The following SIPA1L1 variants were observed in gnomAD, a reference collection of about 807,000 sequenced individuals.
SIPA1L1 encodes signal-induced proliferation-associated 1-like protein 1.
A neutral mutation model predicts 162.7 loss-of-function variants in SIPA1L1; 26 were observed. That is an observed-to-expected ratio of 0.16 (90% CI 0.12 to 0.22). The LOEUF (loss-of-function observed/expected upper bound fraction) is 0.22, where lower values mean the gene tolerates loss of function less well. SIPA1L1 is among the 10% of genes least tolerant of loss of function. SIPA1L1 has a pLI of 1.00. For missense variants in SIPA1L1, 1,874 were observed against 2,241.0 expected (o/e 0.84, Z 3.31); for synonymous variants, 829 against 837.4 (o/e 0.99, Z 0.17).
At chr14:71,411,661 C>A (rs2042413845) in intron 2 of SIPA1L1, among the ~76,000 whole-genome samples, 1 of 152,230 alleles carries the variant, frequency 6.6e-6, no homozygotes, top group Non-Finnish European at 1.5e-5. Flanking sequence ...GAGCTCCCGA[C>A]TGGAGTCCTG....
chr14:71,381,330 G>A lies in SIPA1L1; in HGVS notation c.-465+60149G>A, dbSNP rs1287497693. Among the ~76,000 whole-genome samples, 5 of 152,242 alleles carry A rather than the reference G, an allele frequency of 3.3e-5. No individual in the cohort carries two copies. In the East Asian group the frequency reaches 9.7e-4, roughly 29 times the overall value. ...TCCTCCCAAAGTGCTGGGATTACAGGCATGAGCCACCATGCCTGGCCCCAA... is the reference window on the plus strand; with the variant it reads ...TCCTCCCAAAGTGCTGGGATTACAGACATGAGCCACCATGCCTGGCCCCAA... On this transcript the variant is annotated intron_variant, in intron 2 of 23. Coordinates refer to ENST00000381232, the MANE Select transcript of SIPA1L1 (RefSeq NM_001386936.1).
intron 2 of SIPA1L1, among the ~76,000 whole-genome samples, chr14:71,444,828 A>C (rs2045219734): frequency 6.6e-6 from 1 of 152,022 alleles, no homozygotes; most frequent in Non-Finnish European, 1.5e-5. Context: ...CACAAAGGAT[A>C]CTCTCAGCTT....
intron 3 of SIPA1L1, among the ~76,000 whole-genome samples, chr14:71,527,251 G>A (rs2052974219): frequency 6.6e-6 from 1 of 152,248 alleles, no homozygotes; most frequent in African/African-American, 2.4e-5. Context: ...GGGGACAAGC[G>A]ATCCTCCTGC....
chr14:71,480,119 G>GT (rs1424342356), intron 2 of SIPA1L1, among the ~76,000 whole-genome samples: 11 of 149,202 alleles, frequency 7.4e-5, no homozygotes, highest in Non-Finnish European at 1.5e-4. Context: ...GTCTTGCTCT[G>GT]TTGCCCAGGC....
chr14:71,686,584 T>C (rs142451185), intron 13 of SIPA1L1, among the ~76,000 whole-genome samples: 209 of 152,208 alleles, frequency 1.4e-3, no homozygotes, highest in Non-Finnish European at 2.5e-3. Context: ...CACTCTGTCA[T>C]CCAGGCTGGA....
chr14:71,444,223 C>T (rs1407493540), intron 2 of SIPA1L1, among the ~76,000 whole-genome samples: 5 of 152,244 alleles, frequency 3.3e-5, no homozygotes, highest in Non-Finnish European at 2.9e-5. Flanking sequence ...AAAGTAATAC[C>T]GATTGTTGCC....
chr14:71,643,243 A>G (rs1469879815), intron 7 of SIPA1L1, among the ~76,000 whole-genome samples: 1 of 152,232 alleles, frequency 6.6e-6, no homozygotes, highest in Admixed American at 6.5e-5. Context: ...GCCAAAGGGA[A>G]AAATCTTGAT....
intron 13 of SIPA1L1, among the ~76,000 whole-genome samples, chr14:71,694,475 G>A (rs868109302): frequency 6.6e-6 from 1 of 151,660 alleles, no homozygotes; most frequent in South Asian, 2.1e-4. Flanking sequence ...TTTTTCAATT[G>A]CGCATTCTTA....
intron 4 of SIPA1L1, among the ~76,000 whole-genome samples, chr14:71,535,726 C>T (rs2053838743): frequency 6.6e-6 from 1 of 152,088 alleles, no homozygotes; most frequent in Admixed American, 6.5e-5. Flanking sequence ...GTTCTCCTGC[C>T]TCAGCCTCCC....
chr14:71,489,077 A>T (rs900556783), intron 2 of SIPA1L1, among the ~76,000 whole-genome samples: 1 of 152,244 alleles, frequency 6.6e-6, no homozygotes, highest in African/African-American at 2.4e-5. Context: ...CCATTCCACA[A>T]GCAACTTAAA....
chr14:71,453,975 G>C (rs1462782183), intron 2 of SIPA1L1, among the ~76,000 whole-genome samples: 1 of 140,336 alleles, frequency 7.1e-6, no homozygotes, highest in Non-Finnish European at 1.5e-5. Context: ...CTCCAGCCTG[G>C]GTGACAGGGC....
At chr14:71,514,759 C>T (rs1595858421) in intron 3 of SIPA1L1, among the ~76,000 whole-genome samples, 1 of 152,202 alleles carries the variant, frequency 6.6e-6, no homozygotes, top group African/African-American at 2.4e-5. Flanking sequence ...AGAATACCTT[C>T]TCAGCAACAC....
intron 4 of SIPA1L1, among the ~76,000 whole-genome samples, chr14:71,554,118 T>TA (rs1228053374): frequency 2.0e-5 from 3 of 152,246 alleles, no homozygotes; most frequent in Non-Finnish European, 2.9e-5. Context: ...ATGGTACTGA[T>TA]ACGTTATTTC....
intron 8 of SIPA1L1, among the ~76,000 whole-genome samples, chr14:71,655,125 C>T (rs1251644164): frequency 2.6e-5 from 4 of 152,096 alleles, no homozygotes; most frequent in African/African-American, 7.2e-5. Context: ...CTCAACCTTC[C>T]TCCCCACTTT....
chr14:71,485,948 C>G (rs2048722252), intron 2 of SIPA1L1, among the ~76,000 whole-genome samples: 1 of 152,192 alleles, frequency 6.6e-6, no homozygotes. Context: ...TACACCCTCT[C>G]TCCAGAGATC....
At chr14:71,629,469 G>A (rs1168423678) in intron 7 of SIPA1L1, among the ~76,000 whole-genome samples, 1 of 152,118 alleles carries the variant, frequency 6.6e-6, no homozygotes, top group Non-Finnish European at 1.5e-5. Flanking sequence ...CAGCCACCCT[G>A]TCCTCTTTTC....
intron 2 of SIPA1L1, among the ~76,000 whole-genome samples, chr14:71,439,261 G>A (rs1595467653): frequency 6.6e-6 from 1 of 152,056 alleles, no homozygotes; most frequent in Admixed American, 6.5e-5. Context: ...GACAGGAGGG[G>A]GAAAGTCAGT....
rs753727919 is a variant in SIPA1L1 at position 71,735,274 on chromosome 14, C to T, written c.5009-3C>T. ...ACTAAATGGTTTCTTCTCTCCTTTC[C>T]AGTCCAGAGAGCCTCATTTTTTGCT... is the stretch of plus-strand genomic sequence containing the variant. On this transcript the variant is annotated splice_region_variant and splice_polypyrimidine_tract_variant and intron_variant, in intron 21 of 23. Coordinates refer to ENST00000381232, the MANE Select transcript of SIPA1L1 (RefSeq NM_001386936.1). The T allele has an allele frequency of 3.7e-6, 6 of 1,604,180 alleles. No individual in the cohort carries two copies. In the African/African-American group the frequency reaches 5.4e-5, roughly 14 times the overall value.
At chr14:71,586,280 C>T (rs2034595350) in intron 4 of SIPA1L1, 1 of 150,062 alleles carries the variant, frequency 6.7e-6, no homozygotes, top group Admixed American at 6.6e-5. Flanking sequence ...TAAATAGCAG[C>T]GAGTCTTCTA....
Sources: gnomAD v4.1 joint callset for allele counts (sites outside exome capture counted in the v4.1 genomes callset) on GRCh38, gnomAD v4.1.1 for gene constraint, MANE v1.5 for transcripts, NCBI Gene and HGNC (gene_info 2026-07-23, HGNC 2026-07-21) for gene names.